Variants in C6orf118 observed in about 807,000 individuals in gnomAD.
C6orf118 encodes the protein uncharacterized protein C6orf118.
A neutral mutation model predicts 50.2 loss-of-function variants in C6orf118; 50 were observed. The ratio of observed to expected loss-of-function variants is 1.00; its 90% CI spans 0.79 to 1.26. The LOEUF is 1.26. Among genes scored for constraint, C6orf118 ranks in the 50% most tolerant of loss-of-function variants. The pLI is 0.00. For synonymous variants in C6orf118, 239 were observed against 230.9 expected, an observed-to-expected ratio of 1.03 and a Z score of -0.32; for missense variants, 641 against 578.7, an observed-to-expected ratio of 1.11 and a Z score of -1.10.
chr6:165,293,698 G>C (rs9457061), intron 5 of C6orf118, among the ~76,000 whole-genome samples: 20,026 of 152,020 alleles, frequency 0.13, 2,062 homozygotes, highest in African/African-American at 0.29. Context: ...TAAAGAGTTA[G>C]TTAATTTAAA....
At chr6:165,283,804 C>A (rs1280550758) in intron 7 of C6orf118, among the ~76,000 whole-genome samples, 2 of 152,152 alleles carry the variant, frequency 1.3e-5, no homozygotes, top group Non-Finnish European at 2.9e-5. Flanking sequence ...TGAGACCTCA[C>A]CAAAACCCCA....
At chr6:165,301,467 G>A (rs536166007) in intron 2 of C6orf118, 102 bp downstream of exon 2, 1 of 1,461,578 alleles carries the variant, frequency 6.8e-7, no homozygotes, top group Admixed American at 2.2e-5. Flanking sequence ...CCGGAGCTCT[G>A]CCCCGAGAGG....
intron 6 of C6orf118, among the ~76,000 whole-genome samples, chr6:165,291,038 T>C (rs1349298092): frequency 6.6e-6 from 1 of 152,126 alleles, no homozygotes; most frequent in Non-Finnish European, 1.5e-5. Flanking sequence ...GTGAAACTTA[T>C]TCACTACCAT....
At chr6:165,309,232 CCTGCCGCTTCGTCCCTCCT>C (rs1197350756) in intron 1 of C6orf118, among the ~76,000 whole-genome samples, 21 of 152,372 alleles carry the variant, frequency 1.4e-4, no homozygotes, top group African/African-American at 4.8e-4. Flanking sequence ...CAGCCTGCAA[CCTGCCGCTTCGTCCCTCCT>C]CCTCCTCCTC....
intron 7 of C6orf118, among the ~76,000 whole-genome samples, chr6:165,288,301 G>C (rs1477041717): frequency 6.6e-6 from 1 of 152,152 alleles, no homozygotes; most frequent in East Asian, 1.9e-4. Flanking sequence ...GCAAAGTTGT[G>C]GAGAAATAGG....
chr6:165,309,202 T>C (rs1780851440), intron 1 of C6orf118, among the ~76,000 whole-genome samples: 1 of 152,216 alleles, frequency 6.6e-6, no homozygotes, highest in Non-Finnish European at 1.5e-5. Flanking sequence ...AAGTGCGGCT[T>C]TTTAAAATCA....
rs778340240 is a variant in C6orf118, at chr6:165,301,786, A to T, written c.536T>A (p.Leu179Gln). Residue 179 changes from leucine (L) to glutamine (Q), a missense_variant, in exon 2 of 9, where the codon CTG (leucine) becomes CAG (glutamine). By Grantham distance (113) the Leu-to-Gln change is moderately radical (BLOSUM62 -2). Transcript: ENST00000230301. ...PGWRRREELRLPDLKVLCYQE... is the reference protein window; with the variant it reads ...PGWRRREELRQPDLKVLCYQE... ...GTAGCACAGCACCTTCAAGTCGGGC[A>T]GCCGGAGTTCTTCCCTCCTGCGCCA... The T allele has an allele frequency of 4.3e-6, 7 of 1,614,010 alleles. No individual in the cohort carries two copies. In the Admixed American group the frequency reaches 8.3e-5, roughly 19 times the overall value.
chr6:165,298,002 T>C lies in C6orf118; in HGVS notation c.1036A>G (p.Lys346Glu), dbSNP rs548940946. 59 of 1,614,008 alleles carry C rather than the reference T, an allele frequency of 3.7e-5. No individual in the cohort carries two copies. Among genetic ancestry groups the C allele is most frequent in the African/African-American group, 1.2e-4 (9 of 75,040 alleles). Residue 346 changes from lysine (K) to glutamate (E), a missense_variant, in exon 5 of 9, where the codon AAA becomes GAA. Transcript: ENST00000230301. ...EELRMLVTAT[K>E]AALEQNDRLR... The stretch of plus-strand genomic sequence containing the variant: ...CTATCATTCTGCTCCAGGGCTGCTT[T>C]TGTGGCTGTCACGAGCATCCTCAGC...
chr6:165,302,631 A>G (rs1780600765), intron 1 of C6orf118, among the ~76,000 whole-genome samples: 1 of 152,180 alleles, frequency 6.6e-6, no homozygotes, highest in Admixed American at 6.5e-5. Flanking sequence ...GTACAATCTT[A>G]ATTATAATTC....
In C6orf118 at chr6:165,301,658, G is replaced by A; in HGVS notation, c.664C>T (p.Gln222Ter). ...TCTTGCTTGGCGAGCACTTCCTTCT[G>A]GAAACGCAGGAACATCCTGTACCTG... ...ADRYRMFLRF[Q>*]KEVLAKQDLL... The change falls in exon 2 of 9, where the codon CAG (glutamine) becomes TAG (stop). Residue 222 changes from glutamine (Q) to a stop codon, truncating the protein, a stop_gained. Coordinates refer to ENST00000230301, the MANE Select transcript of C6orf118 (RefSeq NM_144980.4). LOFTEE classifies it high-confidence loss of function. 2 of 1,614,150 alleles carry A rather than the reference G, an allele frequency of 1.2e-6. No homozygotes were observed. The highest frequency in any genetic ancestry group is 1.7e-6 in the Non-Finnish European group (2 of 1,180,034).
rs200682585 is a variant in C6orf118, at chr6:165,297,951, G to A, written c.1061+26C>T. Reference sequence around the variant, plus strand: ...CTTGTTACGGAAGAATCTAAACATAGATCAGATCCGTCCCTCATGCCTCAC... The same window carrying A: ...CTTGTTACGGAAGAATCTAAACATAAATCAGATCCGTCCCTCATGCCTCAC... On this transcript the variant is annotated intron_variant, in intron 5 of 8. Transcript: ENST00000230301. The A allele has an allele frequency of 7.3e-5, 117 of 1,613,014 alleles. No homozygotes were observed. The East Asian group carries it at 2.5e-3, about 35-fold the overall frequency.
At chr6:165,295,203 TG>T (rs1178980813) in intron 5 of C6orf118, among the ~76,000 whole-genome samples, 1 of 152,230 alleles carries the variant, frequency 6.6e-6, no homozygotes. Context: ...TATTCTTCCT[TG>T]GGTATTTCAG....
chr6:165,282,964 A>G (rs1779778653), intron 7 of C6orf118, among the ~76,000 whole-genome samples: 1 of 152,194 alleles, frequency 6.6e-6, no homozygotes, highest in Admixed American at 6.5e-5. Flanking sequence ...TTATAAATTG[A>G]TGCTTGTCCT....
chr6:165,301,112 C>A lies in C6orf118; in HGVS notation c.753+457G>T, dbSNP rs538805460. ...ATGGGCCTCCCCCAGCTGACCAGTT[C>A]CCAGAAGGCGCCCTCCTTCATTTCA... is the stretch of plus-strand genomic sequence containing the variant. On this transcript the variant is annotated intron_variant, in intron 2 of 8. Transcript: ENST00000230301. 6.8e-4 allele frequency among the ~76,000 whole-genome samples: 104 copies of A among 152,258 alleles called. 1 individual carries two copies. Among genetic ancestry groups the A allele is most frequent in the African/African-American group, 2.3e-3 (96 of 41,552 alleles).
At position 165,280,094 on chromosome 6, in the gene C6orf118, T is replaced by C; in HGVS notation, c.1373A>G (p.Tyr458Cys). Reference sequence around the variant, plus strand: ...TCCTCTGATTTTACAAATTCCTTGATAAATTTCCAAAGGCCCCTTAAAATA... The same window carrying C: ...TCCTCTGATTTTACAAATTCCTTGACAAATTTCCAAAGGCCCCTTAAAATA... ...KKKIKGPLEI[Y>C]QGICKIRGNR... The change falls in exon 9 of 9, where the codon TAT becomes TGT. Residue 458 changes from tyrosine (Y) to cysteine (C), a missense_variant. By Grantham distance (194) the Tyr-to-Cys change is radical. Coordinates refer to ENST00000230301, the MANE Select transcript of C6orf118 (RefSeq NM_144980.4). 2.5e-6 allele frequency: 4 copies of C among 1,608,648 alleles called. No individual in the cohort carries two copies. The highest frequency in any genetic ancestry group is 2.5e-6 in the Non-Finnish European group (3 of 1,178,376).
At chr6:165,287,235 C>T (rs1232799105) in intron 7 of C6orf118, among the ~76,000 whole-genome samples, 1 of 152,000 alleles carries the variant, frequency 6.6e-6, no homozygotes, top group African/African-American at 2.4e-5. Context: ...AAGTGAAATA[C>T]CTCTTCAAGG....
At chr6:165,306,952 G>A (rs1435172278) in intron 1 of C6orf118, among the ~76,000 whole-genome samples, 1 of 152,106 alleles carries the variant, frequency 6.6e-6, no homozygotes, top group Admixed American at 6.5e-5. Context: ...CTGCCTCTCT[G>A]CCTGAGAGAG....
intron 1 of C6orf118, among the ~76,000 whole-genome samples, chr6:165,305,734 C>G (rs1193730466): frequency 8.3e-6 from 1 of 120,496 alleles, no homozygotes; most frequent in Non-Finnish European, 1.6e-5. Context: ...TGCTCATCAT[C>G]ACTGGCCATC....
At chr6:165,280,205 T>C (rs1466551883) in intron 8 of C6orf118, 95 bp from the exon 9 acceptor site, 2 of 841,094 alleles carry the variant, frequency 2.4e-6, no homozygotes, top group African/African-American at 3.5e-5. Flanking sequence ...TAGACACATT[T>C]ACCCAAAAAC....
Sources: gnomAD v4.1 joint callset for allele counts (sites outside exome capture counted in the v4.1 genomes callset) on GRCh38, gnomAD v4.1.1 for gene constraint, MANE v1.5 for transcripts, NCBI Gene and HGNC (gene_info 2026-07-23, HGNC 2026-07-21) for gene names.